C2orf80: variants seen among roughly 807,000 people sequenced by gnomAD.
C2orf80 encodes the protein uncharacterized protein C2orf80.
C2orf80 carries 28 observed loss-of-function variants against 30.2 expected under a neutral mutation model. That is an observed-to-expected ratio of 0.93 (90% confidence interval 0.69 to 1.27). The LOEUF (loss-of-function observed/expected upper bound fraction) is 1.27, where lower values mean the gene tolerates loss of function less well. C2orf80 is among the 50% of genes most tolerant of loss of function. C2orf80 has a pLI of 0.00. For missense variants in C2orf80, 220 were observed against 231.0 expected (o/e 0.95, Z 0.31); for synonymous variants, 80 against 76.4 (o/e 1.05, Z -0.24).
chr2:208,167,622 G>T (rs541470305), intron 8 of C2orf80, among the ~76,000 whole-genome samples: 3 of 152,208 alleles, frequency 2.0e-5, no homozygotes, highest in Admixed American at 6.5e-5. Context: ...TGTTGCCCAG[G>T]CTGGAGTGCG....
intron 6 of C2orf80, among the ~76,000 whole-genome samples, chr2:208,172,684 G>T (rs1013859159): frequency 2.0e-5 from 3 of 152,232 alleles, no homozygotes; most frequent in African/African-American, 7.2e-5. Flanking sequence ...GGTAGAAATA[G>T]AATTGGTACA....
chr2:208,179,968 G>A (rs896731762), intron 6 of C2orf80, among the ~76,000 whole-genome samples: 8 of 152,190 alleles, frequency 5.3e-5, no homozygotes, highest in South Asian at 2.1e-4. Flanking sequence ...AGTGAGACCC[G>A]TCTTTAAAAA....
At chr2:208,182,877 T>G in intron 4 of C2orf80, 88 bp downstream of exon 4, 1 of 1,059,042 alleles carries the variant, frequency 9.4e-7, no homozygotes, top group South Asian at 1.3e-5. Context: ...AAGTGCCTCA[T>G]GATGGAAGAT....
chr2:208,182,315 A>G (rs1696585018), intron 4 of C2orf80, among the ~76,000 whole-genome samples: 2 of 152,224 alleles, frequency 1.3e-5, no homozygotes, highest in Admixed American at 6.5e-5. Context: ...TTTGTTTGGT[A>G]GTCCTTAGGA....
chr2:208,178,818 C>G (rs1696453731), intron 6 of C2orf80, among the ~76,000 whole-genome samples: 1 of 152,012 alleles, frequency 6.6e-6, no homozygotes, highest in Non-Finnish European at 1.5e-5. Context: ...AGTGCAGTGG[C>G]ATGATCTCAG....
rs1559340255 is a variant in C2orf80, at chr2:208,176,921, GTATACATA to G, written c.366+3816_366+3823del. ...TATACATATCTGTGTATACATATCT[GTATACATA>G]TGTATACATATCTGTATACATATCT... On this transcript the variant is annotated intron_variant, in intron 6 of 8. Coordinates refer to ENST00000341287, the MANE Select transcript of C2orf80 (RefSeq NM_001099334.3). Among the ~76,000 whole-genome samples the G allele has an allele frequency of 7.7e-4, 75 of 96,872 alleles. 13 individuals are homozygous for G. Among genetic ancestry groups the G allele is most frequent in the African/African-American group, 2.8e-3 (75 of 26,502 alleles). 63.6% of individuals were successfully genotyped at this position (96,872 alleles called of 152,430 possible).
intron 8 of C2orf80, among the ~76,000 whole-genome samples, chr2:208,169,648 G>C (rs1480148354): frequency 1.3e-5 from 2 of 151,396 alleles, no homozygotes; most frequent in Non-Finnish European, 2.9e-5. Flanking sequence ...GGGAAGTGGA[G>C]GTTGCAGTAA....
At chr2:208,182,361 T>C (rs1485890264) in intron 4 of C2orf80, among the ~76,000 whole-genome samples, 1 of 152,208 alleles carries the variant, frequency 6.6e-6, no homozygotes, top group Non-Finnish European at 1.5e-5. Context: ...ACTGACTGTT[T>C]TAAATCATGG....
intron 2 of C2orf80, among the ~76,000 whole-genome samples, chr2:208,185,271 G>C (rs1284405010): frequency 6.6e-6 from 1 of 152,048 alleles, no homozygotes; most frequent in Non-Finnish European, 1.5e-5. Context: ...AACTCAATTG[G>C]AACAGAATTT....
chr2:208,168,787 CATCTCAGGA>C (rs1695994943), intron 8 of C2orf80, among the ~76,000 whole-genome samples: 1 of 149,550 alleles, frequency 6.7e-6, no homozygotes, highest in African/African-American at 2.5e-5. Context: ...GGAAGGGATT[CATCTCAGGA>C]CCTGGGGCCC....
intron 1 of C2orf80, 23 bp from the exon 2 acceptor site, chr2:208,187,084 A>T (rs1696739930): frequency 8.8e-7 from 1 of 1,139,372 alleles, no homozygotes; most frequent in African/African-American, 1.5e-5. Flanking sequence ...ATCAGAGAGA[A>T]TATGAGTTAG....
intron 6 of C2orf80, 144 bp downstream of exon 6, chr2:208,180,601 G>A (rs866263932): frequency 1.6e-6 from 1 of 628,232 alleles, no homozygotes; most frequent in Middle Eastern, 2.8e-4. Flanking sequence ...ATTCAAGTAA[G>A]AAATGGTTAT....
rs1190998403 is a variant in C2orf80 at position 208,180,811 on chromosome 2, A to C, written c.300T>G (p.Ser100Arg). 1.2e-6 allele frequency: 2 copies of C among 1,612,884 alleles called. No homozygotes were observed. Among genetic ancestry groups the C allele is most frequent in the African/African-American group, 2.7e-5 (2 of 74,868 alleles). Residue 100 changes from serine (S) to arginine (R), a missense_variant, in exon 6 of 9, where the codon AGT becomes AGG. By Grantham distance (110) the Ser-to-Arg change is moderately radical. Transcript: ENST00000341287. The part of the protein sequence containing the change: ...LSSYAGILMN[S>R]IPIEEVFKIY... ...TTTTAAAGACTTCCTCAATCGGGAT[A>C]CTGTTCTGTTAAACAACAACAGCAA...
intron 6 of C2orf80, among the ~76,000 whole-genome samples, chr2:208,178,753 A>T (rs1333019260): frequency 3.3e-5 from 5 of 151,272 alleles, no homozygotes; most frequent in East Asian, 3.9e-4. Flanking sequence ...CATCCCTAAA[A>T]TTTTTTTTTA....
At chr2:208,173,082 G>A (rs1696153951) in intron 6 of C2orf80, among the ~76,000 whole-genome samples, 1 of 130,244 alleles carries the variant, frequency 7.7e-6, no homozygotes, top group Admixed American at 9.3e-5. Context: ...TTGCGTCACT[G>A]CACTCCAGCC....
intron 2 of C2orf80, 56 bp downstream of exon 2, chr2:208,186,890 T>C (rs1574377245): frequency 6.7e-7 from 1 of 1,490,478 alleles, no homozygotes; most frequent in Non-Finnish European, 9.4e-7. Flanking sequence ...ATCTATGACA[T>C]GAAATCCACC....
intron 8 of C2orf80, among the ~76,000 whole-genome samples, chr2:208,167,761 G>A (rs1695947869): frequency 6.6e-6 from 1 of 151,836 alleles, no homozygotes; most frequent in African/African-American, 2.4e-5. Flanking sequence ...ATTTTTAGTA[G>A]AGATGGGGTT....
At chr2:208,176,929 A>ATGTATACATATC (rs201388290) in intron 6 of C2orf80, among the ~76,000 whole-genome samples, 10 of 66,444 alleles carry the variant, frequency 1.5e-4, no homozygotes, top group African/African-American at 5.1e-4. Flanking sequence ...CTGTATACAT[A>ATGTATACATATC]TGTATACATA....
At chr2:208,186,534 A>G (rs971884306) in intron 2 of C2orf80, among the ~76,000 whole-genome samples, 4 of 152,252 alleles carry the variant, frequency 2.6e-5, no homozygotes, top group African/African-American at 9.6e-5. Flanking sequence ...CTTAGTTGAT[A>G]AGGCTGACAA....
Sources: gnomAD v4.1 joint callset for allele counts (sites outside exome capture counted in the v4.1 genomes callset) on GRCh38, gnomAD v4.1.1 for gene constraint, MANE v1.5 for transcripts, NCBI Gene and HGNC (gene_info 2026-07-23, HGNC 2026-07-21) for gene names.